AOAH: variants seen among roughly 807,000 people sequenced by gnomAD.
The protein encoded by AOAH is acyloxyacyl hydrolase (neutrophil).
In AOAH, 64 loss-of-function variants were observed where a neutral mutation model predicts 92.2. The observed-to-expected ratio is 0.69, with a 90% CI of 0.57 to 0.86. AOAH has a LOEUF of 0.86. Ranked by LOEUF, AOAH falls within the 40% of genes least tolerant of loss-of-function variation. The pLI is 0.00. For missense variants in AOAH, 656 were observed against 694.6 expected, an observed-to-expected ratio of 0.94 and a Z score of 0.62; for synonymous variants, 263 against 254.5, an observed-to-expected ratio of 1.03 and a Z score of -0.32.
chr7:36,567,830 G>T (rs1434865307), intron 13 of AOAH, among the ~76,000 whole-genome samples: 1 of 152,214 alleles, frequency 6.6e-6, no homozygotes, highest in African/African-American at 2.4e-5. Flanking sequence ...AGGATGGACT[G>T]CTCCCTCACG....
At chr7:36,597,754 A>G (rs1011213558) in intron 11 of AOAH, 2 of 152,224 alleles carry the variant, frequency 1.3e-5, no homozygotes, top group Non-Finnish European at 1.5e-5. Flanking sequence ...GACAAGAACT[A>G]CGCAGGCATA....
chr7:36,640,153 T>C (rs969028452), intron 4 of AOAH, among the ~76,000 whole-genome samples: 2 of 152,070 alleles, frequency 1.3e-5, no homozygotes, highest in Middle Eastern at 6.8e-3. Flanking sequence ...TGCAGGGAAA[T>C]GCACCAGCTT....
intron 1 of AOAH, among the ~76,000 whole-genome samples, chr7:36,714,902 C>G (rs1332706821): frequency 6.6e-6 from 1 of 152,168 alleles, no homozygotes; most frequent in South Asian, 2.1e-4. Context: ...GAAGCATTCC[C>G]TTTGAAAACG....
chr7:36,713,574 G>C (rs1229693813), intron 1 of AOAH, among the ~76,000 whole-genome samples: 1 of 152,084 alleles, frequency 6.6e-6, no homozygotes, highest in African/African-American at 2.4e-5. Flanking sequence ...CCACATAGTT[G>C]GAAGTAAAGC....
intron 13 of AOAH, among the ~76,000 whole-genome samples, chr7:36,551,067 C>A (rs1425251664): frequency 7.6e-6 from 1 of 131,398 alleles, no homozygotes; most frequent in East Asian, 2.5e-4. Context: ...ATGTACATCT[C>A]ATTTCTTTCT....
chr7:36,555,441 A>T (rs1030426402), intron 13 of AOAH, among the ~76,000 whole-genome samples: 19 of 152,132 alleles, frequency 1.2e-4, no homozygotes, highest in African/African-American at 4.6e-4. Context: ...TTGGTCTAAA[A>T]TTCTCTTTTT....
Position 36,572,018 on chromosome 7 carries a change from A to G in AOAH, c.1021+4556T>C, listed in dbSNP as rs1448590600. Among the ~76,000 whole-genome samples the G allele has an allele frequency of 2.0e-5, 3 of 152,160 alleles. No individual in the cohort carries two copies. In the South Asian group the frequency reaches 6.2e-4, roughly 31 times the overall value. ...AAATAGCTACAAGAGAATAATCAGA[A>G]TGTTCCTAGCATACAGAAAAGATAA... is the stretch of plus-strand genomic sequence containing the variant. On this transcript the variant is annotated intron_variant, in intron 13 of 20. Coordinates refer to ENST00000617537, the MANE Select transcript of AOAH (RefSeq NM_001637.4).
chr7:36,519,851 T>C, intron 20 of AOAH, among the ~76,000 whole-genome samples: 1 of 152,270 alleles, frequency 6.6e-6, no homozygotes, highest in East Asian at 1.9e-4. Context: ...CTCATCATTT[T>C]CCTACTCTAT....
In AOAH at chr7:36,532,349, A is replaced by G. The variant is rs1784746093; in HGVS notation, c.1307-5T>C. 6.2e-7 allele frequency: 1 copy of G among 1,613,440 alleles called. No homozygotes were observed. Among genetic ancestry groups the G allele is most frequent in the Non-Finnish European group, 8.5e-7 (1 of 1,180,004 alleles). On this transcript the variant is annotated splice_polypyrimidine_tract_variant and splice_region_variant and intron_variant, in intron 16 of 20. Transcript: ENST00000617537. ...TCATGTCTTTATTTAGCTGGCCTGG[A>G]AAACAGAGAGGTCTGGTAGATTGCA...
At chr7:36,682,519 G>T (rs917301409) in intron 2 of AOAH, among the ~76,000 whole-genome samples, 2 of 151,978 alleles carry the variant, frequency 1.3e-5, no homozygotes, top group Non-Finnish European at 2.9e-5. Context: ...AAGCATGCCA[G>T]AAAGTCATGC....
At chr7:36,673,031 GC>G (rs918501521) in intron 3 of AOAH, among the ~76,000 whole-genome samples, 11 of 152,080 alleles carry the variant, frequency 7.2e-5, no homozygotes, top group African/African-American at 2.7e-4. Flanking sequence ...GGTGGGAAAA[GC>G]CTGAGAATAA....
chr7:36,632,007 G>A, intron 6 of AOAH, 29 bp downstream of exon 6: 1 of 1,567,746 alleles, frequency 6.4e-7, no homozygotes, highest in Non-Finnish European at 8.7e-7. Flanking sequence ...ACATGCTAGT[G>A]CTCAGGAAGG....
intron 1 of AOAH, among the ~76,000 whole-genome samples, chr7:36,722,727 G>A: frequency 6.6e-6 from 1 of 152,018 alleles, no homozygotes; most frequent in South Asian, 2.1e-4. Context: ...GAGGTCAGGA[G>A]TTCGAGACCA....
At position 36,676,827 on chromosome 7, in the gene AOAH, A is replaced by G. The variant is rs1353562834; in HGVS notation, c.224-2818T>C. Among the ~76,000 whole-genome samples, 4 of 152,328 alleles carry G rather than the reference A, an allele frequency of 2.6e-5. No homozygotes were observed. The East Asian group carries it at 7.7e-4, about 29-fold the overall frequency. On this transcript the variant is annotated intron_variant, in intron 2 of 20. Transcript: ENST00000617537. ...ACATTTAGTCAAAAGTGCAAAGACC[A>G]TTTCATTGGAGGAATTTAACAAATG...
intron 7 of AOAH, among the ~76,000 whole-genome samples, chr7:36,622,510 C>T (rs1001838237): frequency 2.6e-5 from 4 of 152,192 alleles, no homozygotes; most frequent in African/African-American, 7.2e-5. Flanking sequence ...ATGTTACTTG[C>T]TTGTTGGTTT....
At chr7:36,542,570 G>A (rs117507170) in intron 15 of AOAH, among the ~76,000 whole-genome samples, 2,414 of 152,214 alleles carry the variant, frequency 0.016, 25 homozygotes, top group Non-Finnish European at 0.025. Context: ...CTGCCTTTTC[G>A]GAGGGCAATT....
At chr7:36,632,422 G>C (rs567127696) in intron 5 of AOAH, among the ~76,000 whole-genome samples, 1 of 150,654 alleles carries the variant, frequency 6.6e-6, no homozygotes, top group East Asian at 2.0e-4. Flanking sequence ...CTCTACCCAA[G>C]TGCTTTAAAA....
chr7:36,549,171 C>G (rs890615005), intron 14 of AOAH, among the ~76,000 whole-genome samples: 1 of 152,186 alleles, frequency 6.6e-6, no homozygotes, highest in African/African-American at 2.4e-5. Flanking sequence ...TTTTCTCATT[C>G]ATAAAGCAGG....
chr7:36,683,468 G>T (rs1200960164), intron 2 of AOAH, among the ~76,000 whole-genome samples: 1 of 152,120 alleles, frequency 6.6e-6, no homozygotes. Flanking sequence ...GATTCAAAAG[G>T]GTGGAGAAAT....
Sources: gnomAD v4.1 joint callset for allele counts (sites outside exome capture counted in the v4.1 genomes callset) on GRCh38, gnomAD v4.1.1 for gene constraint, MANE v1.5 for transcripts, NCBI Gene and HGNC (gene_info 2026-07-23, HGNC 2026-07-21) for gene names.